ACVR1: variants seen among roughly 807,000 people sequenced by gnomAD.
The protein encoded by ACVR1 is activin A receptor type 1.
A neutral mutation model predicts 57.1 loss-of-function variants in ACVR1; 38 were observed. That is an observed-to-expected ratio of 0.67 (90% CI 0.51 to 0.87). The LOEUF is 0.87. Ranked by LOEUF, ACVR1 falls within the 40% of genes least tolerant of loss-of-function variation. The pLI, the probability that ACVR1 is intolerant of heterozygous loss-of-function variation, is 0.00. For synonymous variants in ACVR1, 212 were observed against 228.1 expected (o/e 0.93, Z 0.63); for missense variants, 463 against 638.2 (o/e 0.73, Z 2.96).
At chr2:157,837,318 A>G (rs1013718528) in intron 1 of ACVR1, among the ~76,000 whole-genome samples, 2 of 152,178 alleles carry the variant, frequency 1.3e-5, no homozygotes, top group Non-Finnish European at 2.9e-5. Context: ...ACCATGAGGC[A>G]GTAAGTTCCC....
chr2:157,751,607 G>C (rs1574018430), intron 9 of ACVR1, among the ~76,000 whole-genome samples: 1 of 152,366 alleles, frequency 6.6e-6, no homozygotes, highest in African/African-American at 2.4e-5. Context: ...GTGCTGTTGA[G>C]GGGGTGGGGA....
chr2:157,843,810 T>C (rs1689048159), intron 1 of ACVR1, among the ~76,000 whole-genome samples: 2 of 152,160 alleles, frequency 1.3e-5, no homozygotes, highest in African/African-American at 4.8e-5. Context: ...TAAATGAAGA[T>C]AACCATTGAA....
intron 1 of ACVR1, among the ~76,000 whole-genome samples, chr2:157,853,826 A>G (rs1205618042): frequency 1.3e-5 from 2 of 152,172 alleles, no homozygotes; most frequent in Admixed American, 6.5e-5. Flanking sequence ...TATGCCTTCT[A>G]TCTTTACAAT....
intron 1 of ACVR1, among the ~76,000 whole-genome samples, chr2:157,835,282 CA>C (rs1324463459): frequency 6.6e-6 from 1 of 152,138 alleles, no homozygotes; most frequent in African/African-American, 2.4e-5. Flanking sequence ...TTTAAGGCCT[CA>C]GGAGCTAACT....
chr2:157,799,548 G>T, intron 2 of ACVR1, 48 bp from the exon 3 acceptor site: 1 of 1,447,696 alleles, frequency 6.9e-7, no homozygotes, highest in Non-Finnish European at 9.7e-7. Flanking sequence ...ATATCTAACT[G>T]CAGGAAGACA....
At chr2:157,816,768 TTC>T (rs1486950675) in intron 2 of ACVR1, among the ~76,000 whole-genome samples, 3 of 152,160 alleles carry the variant, frequency 2.0e-5, no homozygotes, top group Non-Finnish European at 4.4e-5. Context: ...AATCCCTTGC[TTC>T]TGTCTCCACA....
chr2:157,869,549 C>A (rs1364799488), intron 1 of ACVR1, among the ~76,000 whole-genome samples: 1 of 152,062 alleles, frequency 6.6e-6, no homozygotes, highest in Admixed American at 6.5e-5. Context: ...ACTTGTAATT[C>A]AGCTTTATTT....
At chr2:157,753,279 C>T (rs146494512) in intron 9 of ACVR1, among the ~76,000 whole-genome samples, 279 of 152,250 alleles carry the variant, frequency 1.8e-3, no homozygotes, top group African/African-American at 6.4e-3. Flanking sequence ...CCTGTAATCC[C>T]AACACTTTGG....
chr2:157,875,522 C>G (rs1206237139), intron 1 of ACVR1: 2 of 154,764 alleles, frequency 1.3e-5, no homozygotes, highest in African/African-American at 4.8e-5. Context: ...CTCACACACA[C>G]CCCAATACAA....
At chr2:157,771,810 A>G (rs1312767029) in intron 6 of ACVR1, among the ~76,000 whole-genome samples, 1 of 152,218 alleles carries the variant, frequency 6.6e-6, no homozygotes, top group African/African-American at 2.4e-5. Context: ...ACAAGTGCTC[A>G]TTGTGGGCCA....
chr2:157,784,752 C>G (rs935462810), intron 3 of ACVR1, among the ~76,000 whole-genome samples: 6 of 152,238 alleles, frequency 3.9e-5, no homozygotes, highest in African/African-American at 1.4e-4. Flanking sequence ...CAGGAGTTCA[C>G]CATGGCCAGC....
At chr2:157,805,490 A>C (rs1347647761) in intron 2 of ACVR1, among the ~76,000 whole-genome samples, 1 of 152,180 alleles carries the variant, frequency 6.6e-6, no homozygotes, top group East Asian at 1.9e-4. Context: ...TGATTCCATC[A>C]CAGTTTTTTT....
chr2:157,774,715 T>C (rs752933558), intron 5 of ACVR1, among the ~76,000 whole-genome samples: 1 of 152,184 alleles, frequency 6.6e-6, no homozygotes, highest in Non-Finnish European at 1.5e-5. Flanking sequence ...TCACCTAATA[T>C]ATGATAGGTT....
intron 1 of ACVR1, among the ~76,000 whole-genome samples, chr2:157,874,713 C>A (rs1690221501): frequency 6.6e-6 from 1 of 152,120 alleles, no homozygotes; most frequent in South Asian, 2.1e-4. Context: ...TCTTTAAAAC[C>A]ACTGGGTTAT....
At chr2:157,816,020 A>T (rs1365987193) in intron 2 of ACVR1, among the ~76,000 whole-genome samples, 3 of 152,164 alleles carry the variant, frequency 2.0e-5, no homozygotes, top group African/African-American at 7.2e-5. Flanking sequence ...GGCAGGCATT[A>T]CTCACCCTGA....
At chr2:157,781,342 G>A (rs552280213) in intron 3 of ACVR1, among the ~76,000 whole-genome samples, 4 of 152,312 alleles carry the variant, frequency 2.6e-5, no homozygotes, top group Non-Finnish European at 4.4e-5. Context: ...ATCAGGTTTT[G>A]GGATTTGAGA....
intron 2 of ACVR1, among the ~76,000 whole-genome samples, chr2:157,816,753 T>C (rs542716330): frequency 6.6e-6 from 1 of 152,254 alleles, no homozygotes; most frequent in East Asian, 1.9e-4. Flanking sequence ...CAGAATTTAA[T>C]CCCCAATCCC....
rs58211148 is a variant in ACVR1, at chr2:157,830,815, C to T, written c.-182-12256G>A. Among the ~76,000 whole-genome samples, 394 of 151,968 alleles carry T rather than the reference C, an allele frequency of 2.6e-3. 1 individual carries two copies. The highest frequency in any genetic ancestry group is 8.8e-3 in the African/African-American group (366 of 41,420). ...CTTGGACTCATGCCCCCATACAATT[C>T]CCTTGGCTAAGCTCTCACTGGCTGG... On this transcript the variant is annotated intron_variant, in intron 1 of 10. Coordinates refer to ENST00000434821, the MANE Select transcript of ACVR1 (RefSeq NM_001111067.4).
intron 1 of ACVR1, among the ~76,000 whole-genome samples, chr2:157,856,179 T>A (rs552695708): frequency 6.6e-6 from 1 of 152,024 alleles, no homozygotes; most frequent in East Asian, 1.9e-4. Context: ...GTGGCTATAA[T>A]TAAAGTTGAA....
Sources: allele counts gnomAD v4.1 joint callset (sites outside exome capture counted in the v4.1 genomes callset), GRCh38; gene constraint gnomAD v4.1.1; transcripts MANE v1.5; gene names NCBI Gene and HGNC (gene_info 2026-07-23, HGNC 2026-07-21).